Variants in PADI3 observed in about 807,000 individuals in gnomAD.
The protein encoded by PADI3 is protein-arginine deiminase type-3.
Under a neutral mutation model 71.5 loss-of-function variants are expected in PADI3, and 53 were observed. The observed-to-expected ratio is 0.74, with a 90% confidence interval of 0.59 to 0.93. The LOEUF (loss-of-function observed/expected upper bound fraction) is 0.93, where lower values mean the gene tolerates loss of function less well. Ranked by LOEUF, PADI3 falls within the 40% of genes least tolerant of loss-of-function variation. The probability of loss-of-function intolerance (pLI) is 0.00; values close to 1 mark genes in which losing one functional copy is unlikely to be tolerated. For synonymous variants in PADI3, 361 were observed against 347.5 expected (o/e 1.04, Z -0.43); for missense variants, 821 against 868.0 (o/e 0.95, Z 0.68).
intron 1 of PADI3, among the ~76,000 whole-genome samples, chr1:17,251,636 A>G (rs1229032763): frequency 6.6e-6 from 1 of 152,258 alleles, no homozygotes. Context: ...GTCCAAGGTC[A>G]CATGGCCAGT....
chr1:17,280,928 T>TC (rs1218445212), intron 15 of PADI3, 132 bp downstream of exon 15: 5 of 1,141,316 alleles, frequency 4.4e-6, no homozygotes, highest in Non-Finnish European at 5.0e-6. Flanking sequence ...GAATCAGGGG[T>TC]CCTATGGTGC....
intron 1 of PADI3, among the ~76,000 whole-genome samples, chr1:17,250,599 G>T (rs1483361607): frequency 6.6e-6 from 1 of 152,154 alleles, no homozygotes; most frequent in African/African-American, 2.4e-5. Context: ...AATAAATCCT[G>T]GTATTGGTGG....
chr1:17,250,968 C>T (rs1483314409), intron 1 of PADI3, among the ~76,000 whole-genome samples: 1 of 152,228 alleles, frequency 6.6e-6, no homozygotes, highest in African/African-American at 2.4e-5. Flanking sequence ...ATCGGTGGGA[C>T]AGCCACAGGG....
chr1:17,268,886 CT>C (rs34487635), intron 6 of PADI3, among the ~76,000 whole-genome samples: 12,673 of 132,454 alleles, frequency 0.096, 539 homozygotes, highest in South Asian at 0.18. Flanking sequence ...CTAAATCTGA[CT>C]TTTTTTTTTT....
At chr1:17,269,541 A>C (rs941097562) in intron 6 of PADI3, among the ~76,000 whole-genome samples, 8 of 152,206 alleles carry the variant, frequency 5.3e-5, no homozygotes, top group Admixed American at 4.6e-4. Flanking sequence ...ATTAATGAAT[A>C]TCGAGCACTC....
chr1:17,256,764 C>T (rs151159319), intron 1 of PADI3, among the ~76,000 whole-genome samples: 8 of 152,260 alleles, frequency 5.3e-5, no homozygotes, highest in East Asian at 3.9e-4. Context: ...CAGCCAGGCG[C>T]GGTGGCTCGC....
intron 1 of PADI3, among the ~76,000 whole-genome samples, chr1:17,253,771 G>A (rs2072994974): frequency 6.6e-6 from 1 of 152,180 alleles, no homozygotes; most frequent in African/African-American, 2.4e-5. Context: ...TCTCTGCAGA[G>A]GCTGCCTAAT....
At chr1:17,273,961 G>A (rs931593298) in intron 10 of PADI3, among the ~76,000 whole-genome samples, 20 of 152,202 alleles carry the variant, frequency 1.3e-4, no homozygotes, top group African/African-American at 4.6e-4. Flanking sequence ...CCTGCATGGA[G>A]GGAGTGTGTG....
chr1:17,276,294 G>A (rs1334234474), intron 11 of PADI3, among the ~76,000 whole-genome samples: 2 of 152,088 alleles, frequency 1.3e-5, no homozygotes, highest in Non-Finnish European at 2.9e-5. Flanking sequence ...GCGAGATCAC[G>A]CCACTGCACT....
At chr1:17,255,157 T>C (rs1229772472) in intron 1 of PADI3, among the ~76,000 whole-genome samples, 1 of 152,244 alleles carries the variant, frequency 6.6e-6, no homozygotes, top group Non-Finnish European at 1.5e-5. Context: ...AAGGTGGGTC[T>C]GAGGTTGGCT....
At chr1:17,259,805 C>T (rs771301689) in intron 2 of PADI3, 47 bp downstream of exon 2, 6 of 1,510,018 alleles carry the variant, frequency 4.0e-6, no homozygotes, top group South Asian at 1.2e-5. Flanking sequence ...AGGGAGGCAG[C>T]TGTCTAGCTC....
At chr1:17,251,312 A>G (rs1259031467) in intron 1 of PADI3, among the ~76,000 whole-genome samples, 2 of 152,166 alleles carry the variant, frequency 1.3e-5, no homozygotes, top group African/African-American at 4.8e-5. Context: ...AGGTGCCATG[A>G]TGTAACAATC....
At chr1:17,261,722 C>T (rs1306827558) in intron 2 of PADI3, among the ~76,000 whole-genome samples, 1 of 152,246 alleles carries the variant, frequency 6.6e-6, no homozygotes, top group South Asian at 2.1e-4. Context: ...GGTGAGAGGC[C>T]TTGGCCAAGG....
chr1:17,271,330 C>T, intron 9 of PADI3, 152 bp downstream of exon 9: 2 of 663,266 alleles, frequency 3.0e-6, no homozygotes, highest in Non-Finnish European at 5.1e-6. Flanking sequence ...GGCTTCTCTC[C>T]AGAACCTTCT....
At chr1:17,264,455 C>T (rs993756010) in intron 3 of PADI3, among the ~76,000 whole-genome samples, 1 of 152,134 alleles carries the variant, frequency 6.6e-6, no homozygotes, top group African/African-American at 2.4e-5. Flanking sequence ...CAAAGTCCCC[C>T]TCAATGTCCG....
Position 17,276,646 on chromosome 1 carries a change from C to A in PADI3, c.1435C>A (p.Pro479Thr), listed in dbSNP as rs756988661. The part of the protein sequence containing the change: ...GHVDEFLSFV[P>T]APDGKGFRML... ...TGTGGATGAGTTTCTGAGCTTTGTCCCTGCCCCCGATGGGAAGGTAAGAAC... is the reference window on the plus strand; with the variant it reads ...TGTGGATGAGTTTCTGAGCTTTGTCACTGCCCCCGATGGGAAGGTAAGAAC... The change falls in exon 12 of 16, where the codon CCT becomes ACT. Residue 479 changes from proline to threonine, a missense_variant. By Grantham distance (38) the Pro-to-Thr change is conservative. Transcript: ENST00000375460. 4 of 1,614,142 alleles carry A rather than the reference C, an allele frequency of 2.5e-6. No individual in the cohort carries two copies. The East Asian group carries it at 6.7e-5, about 27-fold the overall frequency.
chr1:17,274,553 T>C (rs748502128), intron 10 of PADI3, 82 bp from the exon 11 acceptor site: 3 of 1,334,406 alleles, frequency 2.2e-6, no homozygotes, highest in South Asian at 1.4e-5. Context: ...CACCCTGTCT[T>C]GAAGGAGCTC....
At chr1:17,280,935 G>T in intron 15 of PADI3, 139 bp downstream of exon 15, 1 of 1,080,190 alleles carries the variant, frequency 9.3e-7, no homozygotes. Context: ...GGGTCCTATG[G>T]TGCTCCTCAG....
chr1:17,271,192 C>T lies in PADI3; in HGVS notation c.1047+14C>T. ...CGCTGGATCCAGGTAACCACAGCCACTGGGCAGGGCCCAGCAAGGACGCCA... is the reference window on the plus strand; with the variant it reads ...CGCTGGATCCAGGTAACCACAGCCATTGGGCAGGGCCCAGCAAGGACGCCA... On this transcript the variant is annotated intron_variant, in intron 9 of 15. Transcript: ENST00000375460. 6.2e-7 allele frequency: 1 copy of T among 1,606,700 alleles called. No individual in the cohort carries two copies. The highest frequency in any genetic ancestry group is 1.7e-5 in the Admixed American group (1 of 59,954).
Sources: gnomAD v4.1 joint callset for allele counts (sites outside exome capture counted in the v4.1 genomes callset) on GRCh38, gnomAD v4.1.1 for gene constraint, MANE v1.5 for transcripts, NCBI Gene and HGNC (gene_info 2026-07-23, HGNC 2026-07-21) for gene names.